The following HNRNPA2B1 variants were observed in gnomAD, a reference collection of about 807,000 sequenced individuals.
HNRNPA2B1 encodes the protein heterogeneous nuclear ribonucleoproteins A2/B1.
A neutral mutation model predicts 46.3 loss-of-function variants in HNRNPA2B1; 3 were observed. That is an observed-to-expected ratio of 0.06 (90% CI 0.03 to 0.17). The LOEUF (loss-of-function observed/expected upper bound fraction) is 0.17, where lower values mean the gene tolerates loss of function less well. Among genes scored for constraint, HNRNPA2B1 ranks in the 10% least tolerant of loss-of-function variants. The pLI is 1.00. For synonymous variants in HNRNPA2B1, 225 were observed against 133.8 expected (o/e 1.68, Z -4.70); for missense variants, 221 against 418.9 (o/e 0.53, Z 4.12).
chr7:26,199,374 A>G (rs1282806080), intron 1 of HNRNPA2B1: 1 of 152,380 alleles, frequency 6.6e-6, no homozygotes, highest in Non-Finnish European at 1.5e-5. Flanking sequence ...TCAAATACAG[A>G]GCGGCCCAGG....
intron 10 of HNRNPA2B1, 35 bp downstream of exon 10, chr7:26,192,460 G>GATA: frequency 7.2e-7 from 1 of 1,397,968 alleles, no homozygotes; most frequent in Non-Finnish European, 1.0e-6. Flanking sequence ...TGTCTCCCAA[G>GATA]ATAATAATAA....
chr7:26,193,472 A>T, intron 8 of HNRNPA2B1, 99 bp from the exon 9 acceptor site: 1 of 1,528,960 alleles, frequency 6.5e-7, no homozygotes, highest in Non-Finnish European at 8.8e-7. Flanking sequence ...ACTTATCCAC[A>T]AATTTTATGG....
chr7:26,193,292 T>C lies in HNRNPA2B1; in HGVS notation c.923A>G (p.Asn308Ser). Reference protein sequence around the residue: ...PSNYGPMKSGNFGGSRNMGGP... With the variant: ...PSNYGPMKSGSFGGSRNMGGP... ...CCCCATGTTCCTGCTACCACCAAAGTTTCCACTCTTCATTGGACCGTAGTT... is the reference window on the plus strand; with the variant it reads ...CCCCATGTTCCTGCTACCACCAAAGCTTCCACTCTTCATTGGACCGTAGTT... The change falls in exon 9 of 11, where the codon AAC becomes AGC. Residue 308 changes from asparagine (N) to serine (S), a missense_variant. This residue lies in a region of HNRNPA2B1 where 143 missense variants were observed against 200.5 expected (regional missense o/e 0.71). Transcript: ENST00000618183. The C allele has an allele frequency of 1.1e-5, 17 of 1,613,680 alleles. No homozygotes were observed. The highest frequency in any genetic ancestry group is 1.4e-5 in the Non-Finnish European group (17 of 1,179,628).
Position 26,190,021 on chromosome 7 carries a change from T to G in HNRNPA2B1, c.*2339A>C, listed in dbSNP as rs1257028987. The G allele has an allele frequency of 2.6e-5, 4 of 152,474 alleles. No homozygotes were observed. The highest frequency in any genetic ancestry group is 5.9e-5 in the Non-Finnish European group (4 of 68,024). The allele number at this position is 152,474 out of a possible 1,614,324, so 9.4% of individuals were successfully genotyped here. A position where few individuals can be genotyped will look rare whatever the true frequency, so the allele number is the denominator to read the frequency against. ...TGTTAATATTAAAATATGCATAGCT[T>G]TGTGAAACTGCTTTTAAAAATTTAG... On this transcript the variant is annotated 3_prime_UTR_variant, in exon 11 of 11. Transcript: ENST00000618183.
Position 26,192,939 on chromosome 7 carries a change from T to C in HNRNPA2B1, c.964+312A>G, listed in dbSNP as rs76221964. 1.2e-3 allele frequency among the ~76,000 whole-genome samples: 178 copies of C among 152,254 alleles called. 4 individuals carry two copies. The East Asian group carries it at 0.031, about 27-fold the overall frequency. Reference sequence around the variant, plus strand: ...TGAATCATGGTTTAAGGATTTAACTTCAAAGACCCTCATTCCAATGTATAC... The same window carrying C: ...TGAATCATGGTTTAAGGATTTAACTCCAAAGACCCTCATTCCAATGTATAC... On this transcript the variant is annotated intron_variant, in intron 9 of 10. Coordinates refer to ENST00000618183, the MANE Select transcript of HNRNPA2B1 (RefSeq NM_002137.4).
At chr7:26,195,754 A>T in intron 7 of HNRNPA2B1, 93 bp downstream of exon 7, 1 of 1,397,790 alleles carries the variant, frequency 7.2e-7, no homozygotes, top group Non-Finnish European at 9.7e-7. Flanking sequence ...ACTAATATAA[A>T]ATGTTTAAAA....
chr7:26,195,137 G>C (rs1215985388), intron 7 of HNRNPA2B1, among the ~76,000 whole-genome samples: 1 of 92,612 alleles, frequency 1.1e-5, no homozygotes, highest in Non-Finnish European at 2.1e-5. Flanking sequence ...AAAAAAAAAA[G>C]CTTGTGGGCT....
intron 9 of HNRNPA2B1, 72 bp downstream of exon 9, chr7:26,193,179 C>A: frequency 4.2e-6 from 6 of 1,433,878 alleles, no homozygotes; most frequent in South Asian, 2.4e-5. Flanking sequence ...AGTATGTTAT[C>A]TTCCCTTTAA....
At chr7:26,195,581 T>C in intron 7 of HNRNPA2B1, 1 of 419,114 alleles carries the variant, frequency 2.4e-6, no homozygotes. Flanking sequence ...CGTACAAAGA[T>C]ATATCTAGAT....
intron 1 of HNRNPA2B1, chr7:26,199,966 C>T (rs1366726780): frequency 6.5e-6 from 1 of 153,648 alleles, no homozygotes; most frequent in Non-Finnish European, 1.5e-5. Flanking sequence ...GTGCGCAGGA[C>T]TCTAAAGATC....
chr7:26,197,691 T>A lies in HNRNPA2B1; in HGVS notation c.48A>T (p.Leu16Phe). The change falls in exon 2 of 11, where the codon TTA (leucine) becomes TTT (phenylalanine). Residue 16 changes from leucine to phenylalanine, a missense_variant. Physicochemically the swap from Leu to Phe is conservative, Grantham distance 22. Coordinates refer to ENST00000618183, the MANE Select transcript of HNRNPA2B1 (RefSeq NM_002137.4). ...EQFRKLFIGG[L>F]SFETTEESLR... ...AACTTTCTTCTGTGGTTTCAAAGCTTAAGCCACCAATAAAGAGCTTACGGA... is the reference window on the plus strand; with the variant it reads ...AACTTTCTTCTGTGGTTTCAAAGCTAAAGCCACCAATAAAGAGCTTACGGA... 1 of 1,614,004 alleles carries A rather than the reference T, an allele frequency of 6.2e-7. No homozygotes were observed. The highest frequency in any genetic ancestry group is 8.5e-7 in the Non-Finnish European group (1 of 1,179,926).
At chr7:26,196,763 G>A in intron 4 of HNRNPA2B1, 44 bp downstream of exon 4, 1 of 1,577,448 alleles carries the variant, frequency 6.3e-7, no homozygotes, top group Non-Finnish European at 8.7e-7. Flanking sequence ...ACACAAAATT[G>A]AATACACTGG....
In HNRNPA2B1 at chr7:26,200,508, C is replaced by G; in HGVS notation, c.6+64G>C. 5.7e-6 allele frequency: 9 copies of G among 1,569,684 alleles called. No homozygotes were observed. The South Asian group carries it at 1.0e-4, about 17-fold the overall frequency. On this transcript the variant is annotated intron_variant, in intron 1 of 10. Coordinates refer to ENST00000618183, the MANE Select transcript of HNRNPA2B1 (RefSeq NM_002137.4). Reference sequence around the variant, plus strand: ...TCCCACGGAGGCGGCTGGCCGACTTCCACTGAGGCGCCAACGGCCTCGCCA... The same window carrying G: ...TCCCACGGAGGCGGCTGGCCGACTTGCACTGAGGCGCCAACGGCCTCGCCA...
At chr7:26,193,174 G>T in intron 9 of HNRNPA2B1, 77 bp downstream of exon 9, 1 of 1,410,418 alleles carries the variant, frequency 7.1e-7, no homozygotes, top group East Asian at 2.3e-5. Context: ...TACTTAGTAT[G>T]TTATCTTCCC....
chr7:26,195,897 CTGCCAT>C lies in HNRNPA2B1; in HGVS notation c.665_670del (p.Tyr222_Ser224delinsCys). Reference sequence around the variant, plus strand: ...ATAGCCATCCCCAAATCCACGTCCACTGCCATATCCATCTGTTAGGGGCCAAAAAAA... The same window carrying C: ...ATAGCCATCCCCAAATCCACGTCCACATCCATCTGTTAGGGGCCAAAAAAA... On this transcript the variant is annotated inframe_deletion, in exon 7 of 11. Coordinates refer to ENST00000618183, the MANE Select transcript of HNRNPA2B1 (RefSeq NM_002137.4). 6.2e-7 allele frequency: 1 copy of C among 1,608,166 alleles called. No individual in the cohort carries two copies. Among genetic ancestry groups the C allele is most frequent in the Non-Finnish European group, 8.5e-7 (1 of 1,178,232 alleles).
At chr7:26,197,512 AGT>A in intron 2 of HNRNPA2B1, 51 bp from the exon 3 acceptor site, 1 of 1,593,356 alleles carries the variant, frequency 6.3e-7, no homozygotes, top group Non-Finnish European at 8.6e-7. Context: ...ATAGCTTATA[AGT>A]GAAGTCATAA....
intron 1 of HNRNPA2B1, chr7:26,200,170 G>A (rs886880122): frequency 5.4e-5 from 13 of 240,618 alleles, no homozygotes; most frequent in Non-Finnish European, 9.1e-5. Flanking sequence ...GGGAGAGAGG[G>A]GGAGGGGAAG....
intron 1 of HNRNPA2B1, 184 bp from the exon 2 acceptor site, chr7:26,197,916 G>C: frequency 7.1e-7 from 1 of 1,416,574 alleles, no homozygotes; most frequent in East Asian, 2.3e-5. Context: ...ATGTTAAACT[G>C]CATATTAGTT....
intron 1 of HNRNPA2B1, chr7:26,198,747 A>T (rs1362832840): frequency 2.0e-5 from 3 of 152,256 alleles, no homozygotes; most frequent in Admixed American, 6.5e-5. Context: ...AACGAGAGAA[A>T]GTGATATCCA....
Sources: allele counts gnomAD v4.1 joint callset (sites outside exome capture counted in the v4.1 genomes callset), GRCh38; gene constraint gnomAD v4.1.1; regional missense constraint gnomAD v4.1.1; transcripts MANE v1.5; gene names NCBI Gene and HGNC (gene_info 2026-07-23, HGNC 2026-07-21).